Variants in GNG4 observed in about 807,000 individuals in gnomAD.
The protein encoded by GNG4 is guanine nucleotide-binding protein G(I)/G(S)/G(O) subunit gamma-4.
In GNG4, 4 loss-of-function variants were observed where a neutral mutation model predicts 5.8. The ratio of observed to expected loss-of-function variants is 0.69; its 90% CI spans 0.34 to 1.57. The LOEUF (loss-of-function observed/expected upper bound fraction) is 1.57. Among genes scored for constraint, GNG4 ranks in the 40% most tolerant of loss-of-function variants. GNG4 has a pLI of 0.06. For missense variants in GNG4, 96 were observed against 95.1 expected (o/e 1.01, Z -0.04); for synonymous variants, 29 against 32.9 (o/e 0.88, Z 0.41).
chr1:235,581,317 C>A (rs1687629577), intron 3 of GNG4, among the ~76,000 whole-genome samples: 1 of 152,006 alleles, frequency 6.6e-6, no homozygotes, highest in South Asian at 2.1e-4. Context: ...ATCACGAGGT[C>A]AAGAGATTGA....
intron 3 of GNG4, among the ~76,000 whole-genome samples, chr1:235,570,482 C>T (rs1174261651): frequency 4.0e-5 from 6 of 150,772 alleles, no homozygotes; most frequent in Admixed American, 6.6e-5. Flanking sequence ...CTGCAACCTC[C>T]GCCTCCCGGG....
At position 235,642,035 on chromosome 1, in the gene GNG4, G is replaced by A. The variant is rs527372703; in HGVS notation, c.-123+7627C>T. On this transcript the variant is annotated intron_variant, in intron 1 of 3. Coordinates refer to ENST00000391854, the MANE Select transcript of GNG4 (RefSeq NM_001098722.2). This position sits in a 1 kb window ranked among gnomAD's most constrained non-coding sequence, Gnocchi z 4.3. ...GGGATTTTTCGCTTCCCCCGCAACT[G>A]CCTGCGTTTTCGTAGCCCTAGAGCT... is the stretch of plus-strand genomic sequence containing the variant. 2.0e-5 allele frequency among the ~76,000 whole-genome samples: 3 copies of A among 152,350 alleles called. No homozygotes were observed. The highest frequency in any genetic ancestry group is 3.9e-4 in the East Asian group (2 of 5,190).
At chr1:235,578,736 T>G (rs891784390) in intron 3 of GNG4, among the ~76,000 whole-genome samples, 1 of 151,918 alleles carries the variant, frequency 6.6e-6, no homozygotes, top group Non-Finnish European at 1.5e-5. Context: ...TTTATAGAAA[T>G]AGAGAGTAAA....
intron 3 of GNG4, among the ~76,000 whole-genome samples, chr1:235,558,266 T>TA (rs1032862944): frequency 1.3e-5 from 2 of 152,172 alleles, no homozygotes; most frequent in African/African-American, 4.8e-5. Context: ...ATGGCCCACT[T>TA]ACGCACAGCT....
chr1:235,561,402 C>T (rs1288567850), intron 3 of GNG4, among the ~76,000 whole-genome samples: 1 of 145,732 alleles, frequency 6.9e-6, no homozygotes, highest in Admixed American at 6.7e-5. Flanking sequence ...CTCGCGCTCT[C>T]TCTCTCTATA....
chr1:235,557,554 A>G (rs994889245), intron 3 of GNG4, among the ~76,000 whole-genome samples: 1 of 151,616 alleles, frequency 6.6e-6, no homozygotes, highest in Non-Finnish European at 1.5e-5. Flanking sequence ...TACACATACA[A>G]TCCAGCTGGT....
intron 2 of GNG4, among the ~76,000 whole-genome samples, chr1:235,592,925 A>G (rs1688011926): frequency 6.7e-6 from 1 of 149,342 alleles, no homozygotes; most frequent in Non-Finnish European, 1.5e-5. Flanking sequence ...CTGGGCAAGC[A>G]GACCCCGGTT....
rs1046477991 is a variant in GNG4, at chr1:235,548,700, A to T, written c.*3409T>A. 6.6e-6 allele frequency: 1 copy of T among 152,230 alleles called. No homozygotes were observed. Among genetic ancestry groups the T allele is most frequent in the African/African-American group, 2.4e-5 (1 of 41,450 alleles). The allele number at this position is 152,230 out of a possible 1,614,324, so 9.4% of individuals were successfully genotyped here. ...CTGCACACCACTAAGTTTATATCTAAGGCATGATGTCCCTGCTGTAGGAAG... is the reference window on the plus strand; with the variant it reads ...CTGCACACCACTAAGTTTATATCTATGGCATGATGTCCCTGCTGTAGGAAG... On this transcript the variant is annotated 3_prime_UTR_variant, in exon 4 of 4. Coordinates refer to ENST00000391854, the MANE Select transcript of GNG4 (RefSeq NM_001098722.2).
intron 3 of GNG4, among the ~76,000 whole-genome samples, chr1:235,557,051 G>A (rs1461563710): frequency 6.6e-6 from 1 of 152,124 alleles, no homozygotes; most frequent in Non-Finnish European, 1.5e-5. Context: ...ATGAAGCTTT[G>A]CTTGCTCACC....
chr1:235,593,096 G>A (rs925554645), intron 2 of GNG4, among the ~76,000 whole-genome samples: 3 of 152,030 alleles, frequency 2.0e-5, no homozygotes, highest in Non-Finnish European at 2.9e-5. Flanking sequence ...TTACAGGTGC[G>A]TACCACTATG....
At chr1:235,590,016 C>T (rs1449163876) in intron 2 of GNG4, among the ~76,000 whole-genome samples, 1 of 152,216 alleles carries the variant, frequency 6.6e-6, no homozygotes, top group African/African-American at 2.4e-5. Context: ...CTACACTCAC[C>T]CCTCCATCCT....
At chr1:235,638,311 T>C (rs1316944510) in intron 1 of GNG4, among the ~76,000 whole-genome samples, 1 of 152,164 alleles carries the variant, frequency 6.6e-6, no homozygotes, top group Non-Finnish European at 1.5e-5. Flanking sequence ...CTTAAAACAA[T>C]GCAGTTTTAT....
At chr1:235,623,227 G>A (rs1357457615) in intron 1 of GNG4, among the ~76,000 whole-genome samples, 1 of 152,018 alleles carries the variant, frequency 6.6e-6, no homozygotes, top group African/African-American at 2.4e-5. Context: ...GCCCGTTCTT[G>A]GGGCAAAGCT....
intron 3 of GNG4, among the ~76,000 whole-genome samples, chr1:235,576,405 T>C (rs1687486094): frequency 6.6e-6 from 1 of 152,192 alleles, no homozygotes; most frequent in Non-Finnish European, 1.5e-5. Flanking sequence ...TTTGAACTTC[T>C]GATGGGTGAG....
At position 235,648,074 on chromosome 1, in the gene GNG4, C is replaced by T. The variant is rs1452556283; in HGVS notation, c.-123+1588G>A. ...ATCAGTTTGCATGAGAAACGCCAAT[C>T]ATAGGACTGCTGGGAATGGCCCCTT... On this transcript the variant is annotated intron_variant, in intron 1 of 3. Transcript: ENST00000391854. This position sits in a 1 kb window ranked among gnomAD's most constrained non-coding sequence, Gnocchi z 5.0. 6.6e-6 allele frequency among the ~76,000 whole-genome samples: 1 copy of T among 151,736 alleles called. No individual in the cohort carries two copies. Among genetic ancestry groups the T allele is most frequent in the Admixed American group, 6.6e-5 (1 of 15,252 alleles).
At chr1:235,562,673 G>GAAAAAAAAAAAAAAA (rs1195775836) in intron 3 of GNG4, among the ~76,000 whole-genome samples, 3 of 122,998 alleles carry the variant, frequency 2.4e-5, no homozygotes, top group South Asian at 2.7e-4. Flanking sequence ...AAAAAAAAAA[G>GAAAAAAAAAAAAAAA]AAAAAAAAAA....
chr1:235,597,597 T>C (rs1688154228), intron 1 of GNG4, among the ~76,000 whole-genome samples: 4 of 84,800 alleles, frequency 4.7e-5, no homozygotes, highest in Non-Finnish European at 1.1e-4. Flanking sequence ...GCTGTGTGTG[T>C]GTGTGTGTGT....
chr1:235,645,008 G>A (rs1107302), intron 1 of GNG4, among the ~76,000 whole-genome samples: 51,276 of 152,080 alleles, frequency 0.34, 10,247 homozygotes, highest in Non-Finnish European at 0.45. Context: ...CCACGTGGAC[G>A]TGTGGGTGTT....
chr1:235,572,489 C>T lies in GNG4; in HGVS notation c.99+11251G>A, dbSNP rs911784590. ...TGCTGGGATTACAGGCATGAGCCAC[C>T]GTGCTCTTTTTTTTTTTTCTTTTTT... On this transcript the variant is annotated intron_variant, in intron 3 of 3. Coordinates refer to ENST00000391854, the MANE Select transcript of GNG4 (RefSeq NM_001098722.2). Among the ~76,000 whole-genome samples, 9 of 141,358 alleles carry T rather than the reference C, an allele frequency of 6.4e-5. No homozygotes were observed. The East Asian group carries it at 8.7e-4, about 14-fold the overall frequency. 92.7% of individuals were successfully genotyped at this position (141,358 alleles called of 152,430 possible).
Sources: gnomAD v4.1 joint callset for allele counts (sites outside exome capture counted in the v4.1 genomes callset) on GRCh38, gnomAD v4.1.1 for gene constraint, Gnocchi (gnomAD v3.1) non-coding constraint, MANE v1.5 for transcripts, NCBI Gene and HGNC (gene_info 2026-07-23, HGNC 2026-07-21) for gene names.